Variants in PTPN23 observed in about 807,000 individuals in gnomAD.
The protein encoded by PTPN23 is protein tyrosine phosphatase non-receptor type 23.
Under a neutral mutation model 156.3 loss-of-function variants are expected in PTPN23, and 72 were observed. That is an observed-to-expected ratio of 0.46 (90% confidence interval 0.38 to 0.56). The LOEUF (loss-of-function observed/expected upper bound fraction) is 0.56. Ranked by LOEUF, PTPN23 falls within the 20% of genes least tolerant of loss-of-function variation. The pLI, the probability that PTPN23 is intolerant of heterozygous loss-of-function variation, is 0.00. For missense variants in PTPN23, 1,974 were observed against 2,171.5 expected (o/e 0.91, Z 1.81); for synonymous variants, 957 against 899.6 (o/e 1.06, Z -1.14).
Position 47,411,753 on chromosome 3 carries a change from C to T in PTPN23, c.3889-30C>T. On this transcript the variant is annotated intron_variant, in intron 20 of 24. Transcript: ENST00000265562. This position sits in a 1 kb window ranked among gnomAD's most constrained non-coding sequence, Gnocchi z 6.3. ...GGCAGGGCAGGGGATCCTGGAAAAC[C>T]AGGTCTGTCTTGGCTTATCTGTCCC... 2 of 1,593,206 alleles carry T rather than the reference C, an allele frequency of 1.3e-6. No homozygotes were observed. Among genetic ancestry groups the T allele is most frequent in the Non-Finnish European group, 8.6e-7 (1 of 1,166,070 alleles).
Position 47,411,727 on chromosome 3 carries a change from T to TGGCAG in PTPN23, c.3889-48_3889-44dup. The stretch of plus-strand genomic sequence containing the variant: ...GGGTGCCCACGAGGGCAGTGTGGGG[T>TGGCAG]GGCAGGGCAGGGGATCCTGGAAAAC... On this transcript the variant is annotated intron_variant, in intron 20 of 24. Coordinates refer to ENST00000265562, the MANE Select transcript of PTPN23 (RefSeq NM_015466.4). This position sits in a 1 kb window ranked among gnomAD's most constrained non-coding sequence, Gnocchi z 6.3. The TGGCAG allele has an allele frequency of 1.3e-6, 2 of 1,591,114 alleles. No homozygotes were observed. Among genetic ancestry groups the TGGCAG allele is most frequent in the Non-Finnish European group, 1.7e-6 (2 of 1,164,606 alleles).
intron 1 of PTPN23, among the ~76,000 whole-genome samples, chr3:47,388,912 G>A (rs184083721): frequency 4.6e-5 from 7 of 152,010 alleles, no homozygotes; most frequent in East Asian, 1.9e-4. Flanking sequence ...TGATCCACCC[G>A]CCTTGGCCTC....
intron 2 of PTPN23, among the ~76,000 whole-genome samples, chr3:47,401,346 A>G (rs1354301733): frequency 6.6e-6 from 1 of 152,068 alleles, no homozygotes; most frequent in African/African-American, 2.4e-5. Context: ...AGCTGGGACT[A>G]CAGGTATGCA....
At position 47,406,062 on chromosome 3, in the gene PTPN23, G is replaced by C. The variant is rs1184551781; in HGVS notation, c.546+16G>C. On this transcript the variant is annotated intron_variant, in intron 6 of 24. Transcript: ENST00000265562. The surrounding 1 kb of genome is among the most constrained non-coding windows in gnomAD (Gnocchi z 5.8). The stretch of plus-strand genomic sequence containing the variant: ...CCTCATGCTGGTGAGGAGGCGCCCT[G>C]GTTGGAGTGGAGTTGAATCCAGGGA... 5.0e-6 allele frequency: 8 copies of C among 1,609,428 alleles called. No individual in the cohort carries two copies. Among genetic ancestry groups the C allele is most frequent in the Non-Finnish European group, 6.8e-6 (8 of 1,178,386 alleles).
Position 47,406,548 on chromosome 3 carries a change from G to T in PTPN23, c.695G>T (p.Arg232Leu), listed in dbSNP as rs577689618. The change falls in exon 8 of 25, where the codon CGG becomes CTG. Residue 232 changes from arginine (R) to leucine (L), a missense_variant. Transcript: ENST00000265562. The surrounding 1 kb of genome is among the most constrained non-coding windows in gnomAD (Gnocchi z 5.8). ...ENPDTASLLG[R>L]IQKDWKKLVQ... ...CCCGACACTGCCTCACTGCTGGGCC[G>T]GATCCAGAAGGACTGGAAGAAACTT... 6.8e-6 allele frequency: 11 copies of T among 1,614,000 alleles called. No individual in the cohort carries two copies. The highest frequency in any genetic ancestry group is 9.3e-6 in the Non-Finnish European group (11 of 1,180,008).
chr3:47,412,424 G>A lies in PTPN23; in HGVS notation c.4317+3G>A, dbSNP rs1041063061. 10 of 1,612,836 alleles carry A rather than the reference G, an allele frequency of 6.2e-6. No individual in the cohort carries two copies. The highest frequency in any genetic ancestry group is 3.3e-4 in the Middle Eastern group (2 of 6,030). ...GAAAGCACATGCTGCAGGAGAAGGT[G>A]AGGATCTGGGCAGATGGGGCTGGGA... On this transcript the variant is annotated splice_donor_region_variant and intron_variant, in intron 23 of 24. Transcript: ENST00000265562.
chr3:47,411,390 C>G lies in PTPN23; in HGVS notation c.3592C>G (p.Leu1198Val). 1.9e-6 allele frequency: 3 copies of G among 1,613,028 alleles called. No homozygotes were observed. Among genetic ancestry groups the G allele is most frequent in the Non-Finnish European group, 2.5e-6 (3 of 1,180,024 alleles). Reference sequence around the variant, plus strand: ...AGCTCTGGACACTGTCTGGCGAGAGCTGCAAGATGCGCAGGAACATGATGC... The same window carrying G: ...AGCTCTGGACACTGTCTGGCGAGAGGTGCAAGATGCGCAGGAACATGATGC... ...VGALDTVWRE[L>V]QDAQEHDARG... Residue 1198 changes from leucine to valine, a missense_variant, in exon 20 of 25, where the codon CTG (leucine) becomes GTG (valine). Around this residue, in one of 4 missense-constraint regions of PTPN23, gnomAD observed 731 missense variants for 669.1 expected, o/e 1.09. Transcript: ENST00000265562. This position sits in a 1 kb window ranked among gnomAD's most constrained non-coding sequence, Gnocchi z 6.3.
In PTPN23 at chr3:47,407,719, G is replaced by A; in HGVS notation, c.1026G>A (p.Leu342=). ...CAGGAGCCCCCTTGGTGAAGCCCTT[G>A]CCAGTGAACCCCACAGACCCAGCTG... The part of the protein sequence containing the change: ...PVKGAPLVKP[L]PVNPTDPAVT... The change falls in exon 13 of 25, where the codon TTG becomes TTA. Residue 342 remains leucine (L), a synonymous_variant. Transcript: ENST00000265562. The surrounding 1 kb of genome is among the most constrained non-coding windows in gnomAD (Gnocchi z 4.0). The A allele has an allele frequency of 6.2e-7, 1 of 1,613,592 alleles. No individual in the cohort carries two copies. The highest frequency in any genetic ancestry group is 8.5e-7 in the Non-Finnish European group (1 of 1,179,598).
At chr3:47,387,594 T>TTAAG (rs1704682672) in intron 1 of PTPN23, among the ~76,000 whole-genome samples, 4 of 151,584 alleles carry the variant, frequency 2.6e-5, no homozygotes, top group Non-Finnish European at 5.9e-5. Context: ...AAAAGTTTGT[T>TTAAG]TCTTAGAGTA....
rs1705118769 is a variant in PTPN23, at chr3:47,406,200, T to G, written c.547-125T>G. 2 of 1,442,014 alleles carry G rather than the reference T, an allele frequency of 1.4e-6. No individual in the cohort carries two copies. Among genetic ancestry groups the G allele is most frequent in the South Asian group, 1.2e-5 (1 of 80,920 alleles). 89.3% of individuals were successfully genotyped at this position (1,442,014 alleles called of 1,614,324 possible). ...AGGAGCACCGTGGTGCTGCTTGGAG[T>G]GGGGGCAGCTGGGGGAGAGGGCAGT... On this transcript the variant is annotated intron_variant, in intron 6 of 24. Coordinates refer to ENST00000265562, the MANE Select transcript of PTPN23 (RefSeq NM_015466.4). This position sits in a 1 kb window ranked among gnomAD's most constrained non-coding sequence, Gnocchi z 5.8.
At chr3:47,393,223 G>A (rs138448666) in intron 1 of PTPN23, among the ~76,000 whole-genome samples, 1 of 152,234 alleles carries the variant, frequency 6.6e-6, no homozygotes, top group East Asian at 1.9e-4. Context: ...TGTAATCTCA[G>A]CTCACTGCAA....
chr3:47,393,511 A>G (rs894971450), intron 1 of PTPN23, among the ~76,000 whole-genome samples: 3 of 152,174 alleles, frequency 2.0e-5, no homozygotes, highest in African/African-American at 7.2e-5. Context: ...AGATAGATAG[A>G]TAGAGAGAGA....
chr3:47,407,248 G>T lies in PTPN23; in HGVS notation c.865-61G>T. 6.2e-7 allele frequency: 1 copy of T among 1,613,392 alleles called. No individual in the cohort carries two copies. The highest frequency in any genetic ancestry group is 1.1e-5 in the South Asian group (1 of 91,062). On this transcript the variant is annotated intron_variant, in intron 10 of 24. Coordinates refer to ENST00000265562, the MANE Select transcript of PTPN23 (RefSeq NM_015466.4). The surrounding 1 kb of genome is among the most constrained non-coding windows in gnomAD (Gnocchi z 4.0). ...AGGAGCAAGCCCGGTAGGACTGAGG[G>T]GGTGTCCTGGTGCCAGCCTTGGTTA...
intron 2 of PTPN23, among the ~76,000 whole-genome samples, chr3:47,402,427 G>T (rs141392278): frequency 6.6e-6 from 1 of 151,838 alleles, no homozygotes; most frequent in African/African-American, 2.4e-5. Flanking sequence ...TTACAGGTGC[G>T]CACCATCATG....
At position 47,410,979 on chromosome 3, in the gene PTPN23, G is replaced by A; in HGVS notation, c.3181G>A (p.Gly1061Ser). 2 of 1,608,014 alleles carry A rather than the reference G, an allele frequency of 1.2e-6. No homozygotes were observed. Among genetic ancestry groups the A allele is most frequent in the Non-Finnish European group, 8.5e-7 (1 of 1,177,232 alleles). ...YGPAPSTRPM[G>S]PQAAPLTIRG... is the part of the protein sequence containing the mutation. ...TCCTGCCCCTTCTACCAGACCCATG[G>A]GCCCCCAGGCAGCCCCTCTTACCAT... The change falls in exon 20 of 25, where the codon GGC becomes AGC. Residue 1061 changes from glycine to serine, a missense_variant. Gly to Ser is a moderately conservative substitution (Grantham distance 56, BLOSUM62 0). This residue lies in a region of PTPN23 where 731 missense variants were observed against 669.1 expected (regional missense o/e 1.09). Coordinates refer to ENST00000265562, the MANE Select transcript of PTPN23 (RefSeq NM_015466.4).
rs762047375 is a variant in PTPN23 at position 47,406,611 on chromosome 3, A to C, written c.758A>C (p.His253Pro). Residue 253 changes from histidine to proline, a missense_variant and splice_region_variant, in exon 8 of 25, where the codon CAT (histidine) becomes CCT (proline). Physicochemically the swap from His to Pro is moderately conservative, Grantham distance 77 (BLOSUM62 -2). Transcript: ENST00000265562. This position sits in a 1 kb window ranked among gnomAD's most constrained non-coding sequence, Gnocchi z 5.8. ...MKIYYFAAVA[H>P]LHMGKQAEEQ... The stretch of plus-strand genomic sequence containing the variant: ...ATCTACTACTTCGCAGCCGTGGCTC[A>C]TGTGAGGGCCTGGGGCCCCAGGGCG... 3 of 1,613,624 alleles carry C rather than the reference A, an allele frequency of 1.9e-6. No individual in the cohort carries two copies. In the African/African-American group the frequency reaches 4.0e-5, roughly 22 times the overall value.
chr3:47,408,887 G>C lies in PTPN23; in HGVS notation c.1442G>C (p.Gly481Ala), dbSNP rs762959144. 1.2e-6 allele frequency: 2 copies of C among 1,614,112 alleles called. No homozygotes were observed. The highest frequency in any genetic ancestry group is 2.7e-5 in the African/African-American group (2 of 74,944). ...QKFQEAVGQA[G>A]AISITSKAEL... ...TTTCAGGAGGCGGTGGGCCAGGCAG[G>C]GGCCATCTCCATCACCTCCAAGGCT... The change falls in exon 16 of 25, where the codon GGG (glycine) becomes GCG (alanine). Residue 481 changes from glycine (G) to alanine (A), a missense_variant. By Grantham distance (60) the Gly-to-Ala change is moderately conservative (BLOSUM62 0). This residue lies in a region of PTPN23 where 726 missense variants were observed against 929.5 expected (regional missense o/e 0.78). Transcript: ENST00000265562.
At chr3:47,390,166 T>C (rs1021445953) in intron 1 of PTPN23, among the ~76,000 whole-genome samples, 3 of 152,064 alleles carry the variant, frequency 2.0e-5, no homozygotes, top group Non-Finnish European at 4.4e-5. Context: ...CACTTGGAGT[T>C]TGAAGCTTCA....
Position 47,407,430 on chromosome 3 carries a change from A to G in PTPN23, c.923+63A>G, listed in dbSNP as rs1705154513. ...TGAAGGGTCTTGTCCCTCTGCTGGC[A>G]TCTACATGGGAAGTAGGTTCTGGAT... On this transcript the variant is annotated intron_variant, in intron 11 of 24. Coordinates refer to ENST00000265562, the MANE Select transcript of PTPN23 (RefSeq NM_015466.4). This position sits in a 1 kb window ranked among gnomAD's most constrained non-coding sequence, Gnocchi z 4.0. 1 of 1,609,360 alleles carries G rather than the reference A, an allele frequency of 6.2e-7. No homozygotes were observed. Among genetic ancestry groups the G allele is most frequent in the Non-Finnish European group, 8.5e-7 (1 of 1,176,152 alleles).
Sources: allele counts gnomAD v4.1 joint callset (sites outside exome capture counted in the v4.1 genomes callset), GRCh38; gene constraint gnomAD v4.1.1; regional missense constraint gnomAD v4.1.1; non-coding constraint Gnocchi (gnomAD v3.1); transcripts MANE v1.5; gene names NCBI Gene and HGNC (gene_info 2026-07-23, HGNC 2026-07-21).